SOCS2: variants seen among roughly 807,000 people sequenced by gnomAD.
SOCS2 encodes CIS-2.
Under a neutral mutation model 18.6 loss-of-function variants are expected in SOCS2, and 10 were observed. That is an observed-to-expected ratio of 0.54 (90% CI 0.33 to 0.91). SOCS2 has a LOEUF of 0.91. Ranked by LOEUF, SOCS2 falls within the 40% of genes least tolerant of loss-of-function variation. The pLI is 0.02. For synonymous variants in SOCS2, 104 were observed against 104.0 expected (o/e 1.00, Z 0.00); for missense variants, 231 against 247.2 (o/e 0.93, Z 0.44).
At chr12:93,598,552 C>A in the SOCS2 span, among the ~76,000 whole-genome samples, 6,810 of 152,240 alleles carry the variant, frequency 0.045, 498 homozygotes, top group African/African-American at 0.15. Flanking sequence ...GATGGTGATA[C>A]CTTCTATTAA....
chr12:93,616,167 A>G, the SOCS2 span, among the ~76,000 whole-genome samples: 9 of 152,328 alleles, frequency 5.9e-5, no homozygotes, highest in South Asian at 1.9e-3. Flanking sequence ...ACCAGGACTT[A>G]TGTTCCCAGA....
At position 93,574,810 on chromosome 12, in the gene SOCS2, G is replaced by T. The variant is rs758691020; in HGVS notation, c.228G>T (p.Ser76=). 2 of 1,613,962 alleles carry T rather than the reference G, an allele frequency of 1.2e-6. No individual in the cohort carries two copies. The highest frequency in any genetic ancestry group is 1.7e-5 in the Admixed American group (1 of 60,002). The change falls in exon 2 of 2, where the codon TCG becomes TCT. Residue 76 remains serine, a synonymous_variant. Transcript: ENST00000551556. ...PEGTFLIRDS[S]HSDYLLTISV... ...GAACTTTCTTGATTAGAGATAGCTC[G>T]CATTCAGACTACCTACTAACAATAT...
Position 93,572,961 on chromosome 12 carries a change from A to T in SOCS2, c.64A>T (p.Thr22Ser). Residue 22 changes from threonine (T) to serine (S), a missense_variant, in exon 1 of 2, where the codon ACC becomes TCC. Around this residue, in one of 3 missense-constraint regions of SOCS2, gnomAD observed 106 missense variants for 103.8 expected, o/e 1.02. Coordinates refer to ENST00000551556, the MANE Select transcript of SOCS2 (RefSeq NM_001270471.2). This position sits in a 1 kb window ranked among gnomAD's most constrained non-coding sequence, Gnocchi z 5.0. ...GGEGTRSQWG[T>S]AGSAEEPSPQ... is the part of the protein sequence containing the mutation. ...GGAAGGGACGCGGAGCCAGTGGGGG[A>T]CCGCGGGGTCGGCGGAGGAGCCATC... is the stretch of plus-strand genomic sequence containing the variant. 6.4e-7 allele frequency: 1 copy of T among 1,566,936 alleles called. No individual in the cohort carries two copies. Among genetic ancestry groups the T allele is most frequent in the Non-Finnish European group, 8.6e-7 (1 of 1,156,084 alleles).
the SOCS2 span, among the ~76,000 whole-genome samples, chr12:93,603,442 C>T: frequency 1.4e-5 from 2 of 146,304 alleles, no homozygotes; most frequent in Non-Finnish European, 2.9e-5. Context: ...CAAGTTAGTA[C>T]AGCCTAAGGC....
the SOCS2 span, among the ~76,000 whole-genome samples, chr12:93,611,009 G>T: frequency 6.6e-6 from 1 of 152,042 alleles, no homozygotes; most frequent in Admixed American, 6.6e-5. Context: ...ACTCCACAGG[G>T]TTCCTTACAT....
the SOCS2 span, among the ~76,000 whole-genome samples, chr12:93,610,068 A>G: frequency 2.6e-5 from 4 of 152,220 alleles, no homozygotes; most frequent in Non-Finnish European, 4.4e-5. Flanking sequence ...TAAAGGTCCC[A>G]TCTCCCAACA....
At chr12:93,586,074 G>A (rs188379690), downstream of SOCS2, among the ~76,000 whole-genome samples, 19 of 150,712 alleles carry the variant, frequency 1.3e-4, no homozygotes, top group Admixed American at 6.6e-4. Flanking sequence ...AAATATTTTC[G>A]TTCTGTGGTT....
the SOCS2 span, among the ~76,000 whole-genome samples, chr12:93,626,010 A>C: frequency 6.6e-6 from 1 of 152,168 alleles, no homozygotes; most frequent in South Asian, 2.1e-4. Context: ...TAAAAGCAAC[A>C]ACAGAAGCAA....
At chr12:93,596,438 T>C in the SOCS2 span, among the ~76,000 whole-genome samples, 1 of 152,210 alleles carries the variant, frequency 6.6e-6, no homozygotes, top group Non-Finnish European at 1.5e-5. Flanking sequence ...CCATGCAGCC[T>C]GAGTTACTAA....
intron 1 of SOCS2, 68 bp from the exon 2 acceptor site, chr12:93,574,654 C>T: frequency 1.8e-6 from 2 of 1,116,660 alleles, no homozygotes; most frequent in South Asian, 4.0e-5. Context: ...ATTACTTGCT[C>T]TGTTCTAAGA....
downstream of SOCS2, among the ~76,000 whole-genome samples, chr12:93,586,854 G>A (rs956364555): frequency 6.6e-6 from 1 of 152,114 alleles, no homozygotes; most frequent in Non-Finnish European, 1.5e-5. Context: ...CATGAAGCAA[G>A]GTTCTGAGGA....
At chr12:93,624,651 C>T in the SOCS2 span, among the ~76,000 whole-genome samples, 1 of 152,120 alleles carries the variant, frequency 6.6e-6, no homozygotes, top group African/African-American at 2.4e-5. Context: ...TAAGACAATA[C>T]TCATCACCCA....
At chr12:93,572,598 G>C (rs1338841772), upstream of SOCS2, 4 of 610,390 alleles carry the variant, frequency 6.6e-6, no homozygotes, top group Non-Finnish European at 1.2e-5. The surrounding 1 kb of genome is among the most constrained non-coding windows in gnomAD (Gnocchi z 5.0). Flanking sequence ...AGGAGTCCCT[G>C]GGATTTTCCA....
the SOCS2 span, among the ~76,000 whole-genome samples, chr12:93,618,698 G>A: frequency 4.6e-5 from 7 of 152,112 alleles, no homozygotes; most frequent in East Asian, 1.9e-4. Context: ...TCATTCCCTC[G>A]AGTAGCCCCT....
chr12:93,618,486 C>T, the SOCS2 span, among the ~76,000 whole-genome samples: 10 of 152,308 alleles, frequency 6.6e-5, no homozygotes, highest in Non-Finnish European at 1.5e-4. Flanking sequence ...GACCAGTCCC[C>T]ACCTGCCTCT....
rs1454077763 is a variant in SOCS2 at position 93,575,020 on chromosome 12, C to T, written c.438C>T (p.Gly146=). 3.7e-6 allele frequency: 6 copies of T among 1,613,946 alleles called. No homozygotes were observed. In the African/African-American group the frequency reaches 8.0e-5, roughly 22 times the overall value. The change falls in exon 2 of 2, where the codon GGC becomes GGT. Residue 146 remains glycine (G), a synonymous_variant. Coordinates refer to ENST00000551556, the MANE Select transcript of SOCS2 (RefSeq NM_001270471.2). ...CAGGTCCAGAAGCCCCCCGGAACGG[C>T]ACTGTTCACCTTTATCTGACCAAAC... ...KRTGPEAPRN[G]TVHLYLTKPL...
upstream of SOCS2, chr12:93,571,901 C>CGGCCGA: frequency 2.3e-6 from 1 of 434,030 alleles, no homozygotes; most frequent in South Asian, 1.6e-5. Context: ...GCGGCGGCCG[C>CGGCCGA]GGCCGAGGTC....
chr12:93,624,365 G>A, the SOCS2 span, among the ~76,000 whole-genome samples: 1 of 152,220 alleles, frequency 6.6e-6, no homozygotes, highest in Non-Finnish European at 1.5e-5. Flanking sequence ...GAGGTCAAGA[G>A]ATTGAGATCA....
the SOCS2 span, among the ~76,000 whole-genome samples, chr12:93,614,426 TTTCC>T: frequency 5.4e-5 from 5 of 92,284 alleles, no homozygotes; most frequent in African/African-American, 2.4e-4. Context: ...TCTTCCTTTC[TTTCC>T]CTTCCTTCCT....
Sources: allele counts gnomAD v4.1 joint callset (sites outside exome capture counted in the v4.1 genomes callset), GRCh38; gene constraint gnomAD v4.1.1; regional missense constraint gnomAD v4.1.1; non-coding constraint Gnocchi (gnomAD v3.1); transcripts MANE v1.5; gene names NCBI Gene and HGNC (gene_info 2026-07-23, HGNC 2026-07-21).